CX3CR1: variants seen among roughly 807,000 people sequenced by gnomAD.
The protein encoded by CX3CR1 is C-X3-C motif chemokine receptor 1, also known as CX3C chemokine receptor 1.
For missense variants in CX3CR1, 363 were observed against 432.4 expected (o/e 0.84, Z 1.42); for synonymous variants, 168 against 178.5 (o/e 0.94, Z 0.47).
chr3:39,281,475 A>G (rs184011373), upstream of CX3CR1: 3 of 839,654 alleles, frequency 3.6e-6, no homozygotes, highest in African/African-American at 5.0e-5. Context: ...ACTCTTGACG[A>G]CAGTCTCATC....
chr3:39,270,887 C>T (rs997175018), intron 1 of CX3CR1, among the ~76,000 whole-genome samples: 1 of 152,132 alleles, frequency 6.6e-6, no homozygotes, highest in Non-Finnish European at 1.5e-5. Context: ...AGTACAATAA[C>T]AAGCATGCTG....
chr3:39,291,393 G>A, the CX3CR1 span, among the ~76,000 whole-genome samples: 2 of 152,028 alleles, frequency 1.3e-5, no homozygotes, highest in African/African-American at 2.4e-5. Context: ...CTTTTTTCAC[G>A]TGCAACATGT....
intron 1 of CX3CR1, 75 bp from the exon 2 acceptor site, chr3:39,266,593 T>C: frequency 7.0e-7 from 1 of 1,429,156 alleles, no homozygotes. Flanking sequence ...TGGCCTCATA[T>C]GTAGGCAGGC....
upstream of CX3CR1, chr3:39,281,029 C>T (rs1034855197): frequency 1.9e-4 from 184 of 966,404 alleles, no homozygotes; most frequent in Non-Finnish European, 2.2e-4. Context: ...CAGCCACATC[C>T]GGTGCTCCCT....
At chr3:39,284,137 T>C (rs904812424), upstream of CX3CR1, among the ~76,000 whole-genome samples, 2 of 151,816 alleles carry the variant, frequency 1.3e-5, no homozygotes, top group African/African-American at 4.8e-5. Context: ...AAAGGACTTG[T>C]TGGGGAGTGA....
chr3:39,290,826 CAGG>C, the CX3CR1 span, among the ~76,000 whole-genome samples: 1 of 151,974 alleles, frequency 6.6e-6, no homozygotes, highest in Non-Finnish European at 1.5e-5. Flanking sequence ...AAGGCTGAGG[CAGG>C]AGAATTGCTT....
At chr3:39,272,338 T>C (rs2040787363) in intron 1 of CX3CR1, among the ~76,000 whole-genome samples, 1 of 152,184 alleles carries the variant, frequency 6.6e-6, no homozygotes, top group South Asian at 2.1e-4. Context: ...GTACACATGT[T>C]TCACACCCAA....
intron 1 of CX3CR1, among the ~76,000 whole-genome samples, chr3:39,273,087 C>G (rs2125553478): frequency 6.6e-6 from 1 of 152,358 alleles, no homozygotes; most frequent in Admixed American, 6.5e-5. Context: ...TTGCACCGCA[C>G]AATGCTTTTC....
rs1458414725 is a variant in CX3CR1 at position 39,266,349 on chromosome 3, A to G, written c.161T>C (p.Phe54Ser). The G allele has an allele frequency of 1.9e-6, 3 of 1,614,180 alleles. No homozygotes were observed. Among genetic ancestry groups the G allele is most frequent in the Non-Finnish European group, 2.5e-6 (3 of 1,180,032 alleles). Residue 54 changes from phenylalanine to serine, a missense_variant, in exon 2 of 2, where the codon TTT becomes TCT. By Grantham distance (155) the Phe-to-Ser change is radical. Coordinates refer to ENST00000399220, the MANE Select transcript of CX3CR1 (RefSeq NM_001337.4). The stretch of plus-strand genomic sequence containing the variant: ...GGGCTTCTTGCTGTTGGTGAGGGCA[A>G]ACACTACCAACAAATTTCCCACCAG... The part of the protein sequence containing the change: ...IGLVGNLLVV[F>S]ALTNSKKPKS...
At chr3:39,271,047 G>A (rs1437430058) in intron 1 of CX3CR1, among the ~76,000 whole-genome samples, 3 of 152,164 alleles carry the variant, frequency 2.0e-5, no homozygotes, top group Admixed American at 2.0e-4. Flanking sequence ...TTCGGCCTCA[G>A]CACTTTTTTT....
chr3:39,266,710 T>C, intron 1 of CX3CR1, 192 bp from the exon 2 acceptor site: 1 of 765,506 alleles, frequency 1.3e-6, no homozygotes, highest in South Asian at 1.4e-5. Context: ...CAACAGACTC[T>C]TCTGACAGGA....
At chr3:39,267,091 G>A (rs759669120) in intron 1 of CX3CR1, among the ~76,000 whole-genome samples, 4 of 152,098 alleles carry the variant, frequency 2.6e-5, no homozygotes, top group Non-Finnish European at 4.4e-5. Context: ...GCCAGCTCTA[G>A]GCTTTTTGAA....
At chr3:39,279,203 AC>A (rs1394497303) in intron 1 of CX3CR1, among the ~76,000 whole-genome samples, 5 of 152,182 alleles carry the variant, frequency 3.3e-5, no homozygotes, top group Admixed American at 1.3e-4. Flanking sequence ...AAAACAAAAA[AC>A]AAACAAAAAC....
chr3:39,286,523 C>A (rs1388689687), upstream of CX3CR1: 2 of 151,530 alleles, frequency 1.3e-5, no homozygotes, highest in African/African-American at 2.4e-5. Flanking sequence ...CGGTGGCGGG[C>A]GCCTGTAGTC....
At chr3:39,279,572 A>G (rs2669844) in intron 1 of CX3CR1, among the ~76,000 whole-genome samples, 148,165 of 152,268 alleles carry the variant, frequency 0.97, 72,190 homozygotes, top group East Asian at 1. Context: ...ACTTGTGTGC[A>G]TCTCTAAAAG....
the CX3CR1 span, among the ~76,000 whole-genome samples, chr3:39,289,151 TAA>T: frequency 2.1e-5 from 3 of 141,830 alleles, no homozygotes; most frequent in Non-Finnish European, 1.5e-5. Context: ...AGACTCCATC[TAA>T]AAAAAAAAAA....
At chr3:39,289,989 G>A in the CX3CR1 span, among the ~76,000 whole-genome samples, 1 of 152,180 alleles carries the variant, frequency 6.6e-6, no homozygotes, top group Admixed American at 6.5e-5. Context: ...AGCCCAAGGA[G>A]ACTGACCCCC....
At chr3:39,289,167 C>A in the CX3CR1 span, among the ~76,000 whole-genome samples, 1 of 151,512 alleles carries the variant, frequency 6.6e-6, no homozygotes, top group East Asian at 1.9e-4. Flanking sequence ...AAAAAAAAAT[C>A]AGGGTAAACT....
At chr3:39,292,154 T>C in the CX3CR1 span, among the ~76,000 whole-genome samples, 2 of 152,238 alleles carry the variant, frequency 1.3e-5, no homozygotes, top group African/African-American at 4.8e-5. Flanking sequence ...GGTCAGGCCC[T>C]GTGCACGTGA....
Sources: allele counts gnomAD v4.1 joint callset (sites outside exome capture counted in the v4.1 genomes callset), GRCh38; gene constraint gnomAD v4.1.1; transcripts MANE v1.5; gene names NCBI Gene and HGNC (gene_info 2026-07-23, HGNC 2026-07-21).